LIN54: variants seen among roughly 807,000 people sequenced by gnomAD.
LIN54 encodes lin-54 DREAM MuvB core complex component, also known as protein lin-54 homolog.
LIN54 carries 9 observed loss-of-function variants against 78.7 expected under a neutral mutation model. The observed-to-expected ratio is 0.11, with a 90% CI of 0.07 to 0.20. LIN54 has a LOEUF of 0.20. Among genes scored for constraint, LIN54 ranks in the 10% least tolerant of loss-of-function variants. The probability of loss-of-function intolerance (pLI) is 1.00; values close to 1 mark genes in which losing one functional copy is unlikely to be tolerated. For missense variants in LIN54, 573 were observed against 889.9 expected, an observed-to-expected ratio of 0.64 and a Z score of 4.53; for synonymous variants, 269 against 318.4, an observed-to-expected ratio of 0.84 and a Z score of 1.65.
At chr4:82,937,337 A>G in intron 8 of LIN54, 39 bp from the exon 9 acceptor site, 1 of 1,305,318 alleles carries the variant, frequency 7.7e-7, no homozygotes. Flanking sequence ...TTAATCAATT[A>G]ATAGTAACTA....
At chr4:82,961,166 T>C (rs536976859) in intron 4 of LIN54, among the ~76,000 whole-genome samples, 1 of 152,200 alleles carries the variant, frequency 6.6e-6, no homozygotes, top group Non-Finnish European at 1.5e-5. Flanking sequence ...GAGAGAAGTG[T>C]ATTAAATATG....
chr4:83,007,343 T>C (rs971041490), intron 1 of LIN54, among the ~76,000 whole-genome samples: 3 of 152,166 alleles, frequency 2.0e-5, no homozygotes, highest in African/African-American at 7.2e-5. Flanking sequence ...GGGAACTTTA[T>C]ATTATTCATG....
At chr4:83,009,537 GAC>G (rs1371097307) in intron 1 of LIN54, among the ~76,000 whole-genome samples, 1 of 152,172 alleles carries the variant, frequency 6.6e-6, no homozygotes, top group African/African-American at 2.4e-5. Context: ...TGTGCAAGGA[GAC>G]AGACTCCTTA....
Position 82,977,603 on chromosome 4 carries a change from C to T in LIN54, c.808+1280G>A, listed in dbSNP as rs189896596. Reference sequence around the variant, plus strand: ...GCCTCAGGAAAATGACAAGTCACTGCCACTGATTTCCAAGTTGCCTACCGC... The same window carrying T: ...GCCTCAGGAAAATGACAAGTCACTGTCACTGATTTCCAAGTTGCCTACCGC... On this transcript the variant is annotated intron_variant, in intron 3 of 12. Coordinates refer to ENST00000340417, the MANE Select transcript of LIN54 (RefSeq NM_194282.4). Among the ~76,000 whole-genome samples the T allele has an allele frequency of 6.9e-3, 1,051 of 152,262 alleles. 45 individuals carry two copies. Among genetic ancestry groups the T allele is most frequent in the Admixed American group, 0.052 (797 of 15,292 alleles).
intron 2 of LIN54, among the ~76,000 whole-genome samples, chr4:82,982,468 A>C (rs1181388242): frequency 1.3e-5 from 2 of 152,156 alleles, no homozygotes; most frequent in African/African-American, 2.4e-5. Context: ...GGCCTCACAG[A>C]ATCTGCCCAC....
intron 11 of LIN54, among the ~76,000 whole-genome samples, chr4:82,932,679 G>C (rs13136390): frequency 0.18 from 27,636 of 149,806 alleles, 2,719 homozygotes; most frequent in South Asian, 0.32. Context: ...AAAAAAATTA[G>C]CCAGGCATGG....
intron 3 of LIN54, among the ~76,000 whole-genome samples, chr4:82,972,948 TAAAAAAAAAAAA>T (rs35025108): frequency 1.7e-5 from 1 of 59,412 alleles, no homozygotes; most frequent in African/African-American, 5.5e-5. Flanking sequence ...AGAATCCCTC[TAAAAAAAAAAAA>T]AAAAAAAAAA....
intron 5 of LIN54, among the ~76,000 whole-genome samples, chr4:82,941,862 T>C (rs997466880): frequency 2.0e-5 from 3 of 152,144 alleles, no homozygotes; most frequent in Admixed American, 6.5e-5. Flanking sequence ...AGGATGAAAC[T>C]TGACATGGAG....
intron 11 of LIN54, among the ~76,000 whole-genome samples, chr4:82,934,521 C>T (rs1722230223): frequency 6.6e-6 from 1 of 152,226 alleles, no homozygotes. Flanking sequence ...TTCTACTTTA[C>T]TTCCTGAGAG....
At chr4:82,954,620 G>A (rs1724135551) in intron 4 of LIN54, among the ~76,000 whole-genome samples, 1 of 152,122 alleles carries the variant, frequency 6.6e-6, no homozygotes, top group Non-Finnish European at 1.5e-5. Flanking sequence ...GTTTCACCAT[G>A]TTGGCCAGGC....
At chr4:82,975,133 G>A (rs1443842997) in intron 3 of LIN54, among the ~76,000 whole-genome samples, 1 of 152,036 alleles carries the variant, frequency 6.6e-6, no homozygotes, top group Non-Finnish European at 1.5e-5. Flanking sequence ...TGAGGCAGGT[G>A]GATCACTTGA....
At position 82,963,130 on chromosome 4, in the gene LIN54, G is replaced by GA. The variant is rs368192082; in HGVS notation, c.951+7196dup. On this transcript the variant is annotated intron_variant, in intron 4 of 12. Transcript: ENST00000340417. ...GAAAAAAAAAGACATTATATACATAGAAAAAAGTATTAAAAATTACAGTAT... is the reference window on the plus strand; with the variant it reads ...GAAAAAAAAAGACATTATATACATAGAAAAAAAGTATTAAAAATTACAGTAT... 9.9e-4 allele frequency among the ~76,000 whole-genome samples: 150 copies of GA among 152,024 alleles called. 1 individual carries two copies. The highest frequency in any genetic ancestry group is 3.3e-3 in the African/African-American group (139 of 41,508).
chr4:83,006,925 A>G (rs1289389591), intron 1 of LIN54, among the ~76,000 whole-genome samples: 1 of 152,208 alleles, frequency 6.6e-6, no homozygotes, highest in African/African-American at 2.4e-5. Context: ...GGATAACCTG[A>G]GGTCAGGAGT....
intron 3 of LIN54, among the ~76,000 whole-genome samples, chr4:82,971,863 T>A (rs186146808): frequency 6.6e-6 from 1 of 152,230 alleles, no homozygotes; most frequent in Admixed American, 6.5e-5. Flanking sequence ...CTAAATTATC[T>A]CTAGAATCTG....
chr4:82,956,747 CT>C (rs1393795571), intron 4 of LIN54, among the ~76,000 whole-genome samples: 1 of 138,532 alleles, frequency 7.2e-6, no homozygotes, highest in African/African-American at 2.5e-5. Flanking sequence ...CTTTCTGCCT[CT>C]TTTTTCTTTG....
At chr4:82,989,609 A>G (rs1378008898) in intron 1 of LIN54, among the ~76,000 whole-genome samples, 2 of 152,200 alleles carry the variant, frequency 1.3e-5, no homozygotes, top group Non-Finnish European at 2.9e-5. Flanking sequence ...ATATTTAGAC[A>G]TAGGGGTATG....
chr4:82,984,238 A>G lies in LIN54; in HGVS notation c.607T>C (p.Leu203=), dbSNP rs780649212. The change falls in exon 2 of 13, where the codon TTG becomes CTG. Residue 203 remains leucine (L), a synonymous_variant. Coordinates refer to ENST00000340417, the MANE Select transcript of LIN54 (RefSeq NM_194282.4). ...TTAATCAGTTGACTTCCTGGGGTCA[A>G]TGCTGAGACACCAATGACAGGTTTC... ...EVKPVIGVSA[L]TPGSQLINTT... The G allele has an allele frequency of 3.1e-6, 5 of 1,614,050 alleles. No homozygotes were observed. The highest frequency in any genetic ancestry group is 8.5e-7 in the Non-Finnish European group (1 of 1,180,048).
chr4:82,997,368 C>T (rs973043565), intron 1 of LIN54, among the ~76,000 whole-genome samples: 1 of 152,118 alleles, frequency 6.6e-6, no homozygotes, highest in African/African-American at 2.4e-5. Context: ...TCAAATTTAG[C>T]TTTTAACCAA....
At chr4:82,928,424 C>T (rs1721663635) in intron 12 of LIN54, 121 bp from the exon 13 acceptor site, 1 of 777,146 alleles carries the variant, frequency 1.3e-6, no homozygotes, top group Non-Finnish European at 2.2e-6. Context: ...GGATGAGCAT[C>T]ACAATTTACA....
Sources: allele counts gnomAD v4.1 joint callset (sites outside exome capture counted in the v4.1 genomes callset), GRCh38; gene constraint gnomAD v4.1.1; transcripts MANE v1.5; gene names NCBI Gene and HGNC (gene_info 2026-07-23, HGNC 2026-07-21).